Variants in C2orf81 observed in about 807,000 individuals in gnomAD.
C2orf81 encodes the protein uncharacterized protein C2orf81.
Under a neutral mutation model 7.9 loss-of-function variants are expected in C2orf81, and 5 were observed. That is an observed-to-expected ratio of 0.63 (90% CI 0.33 to 1.33). The LOEUF is 1.33. C2orf81 is among the 40% of genes most tolerant of loss of function. C2orf81 has a pLI of 0.05. For missense variants in C2orf81, 781 were observed against 830.4 expected, an observed-to-expected ratio of 0.94 and a Z score of 0.73; for synonymous variants, 346 against 367.4, an observed-to-expected ratio of 0.94 and a Z score of 0.66.
chr2:74,418,400 T>G, intron 1 of C2orf81: 1 of 1,588,282 alleles, frequency 6.3e-7, no homozygotes, highest in South Asian at 1.1e-5. Flanking sequence ...TTTTTCTGCT[T>G]GGAGGCCAAG....
At position 74,421,548 on chromosome 2, in the gene C2orf81, C is replaced by T. The variant is rs574944771; in HGVS notation, c.13G>A (p.Gly5Ser). MAHEGSRQERQVRDR... is the reference protein window; with the variant it reads MAHESSRQERQVRDR... ...CCAGCTGAACTGAAGCTCACCGAGC[C>T]TTCGTGCGCCATCGCCAACGCGGTC... The change falls in exon 1 of 3, where the codon GGC becomes AGC. Residue 5 changes from glycine (G) to serine (S), a missense_variant. Coordinates refer to ENST00000684111, the MANE Select transcript of C2orf81 (RefSeq NM_001316764.3). 118 of 406,292 alleles carry T rather than the reference C, an allele frequency of 2.9e-4. No homozygotes were observed. The highest frequency in any genetic ancestry group is 2.2e-3 in the African/African-American group (109 of 48,572). The allele number at this position is 406,292 out of a possible 1,614,324, so 25.2% of individuals were successfully genotyped here.
Position 74,415,067 on chromosome 2 carries a change from C to A in C2orf81, c.1110G>T (p.Lys370Asn), listed in dbSNP as rs1272010943. The A allele has an allele frequency of 3.9e-6, 6 of 1,548,224 alleles. No individual in the cohort carries two copies. The highest frequency in any genetic ancestry group is 5.2e-6 in the Non-Finnish European group (6 of 1,145,680). ...CAGGGTCCAGGCGTTTCACGGCCGC[C>A]TTGCGGCGCATCCTGTGGTGGTGGG... The part of the protein sequence containing the change: ...LSAHHHRMRR[K>N]AAVKRLDPAR... Residue 370 changes from lysine to asparagine, a missense_variant, in exon 3 of 3, where the codon AAG becomes AAT. Transcript: ENST00000684111. The surrounding 1 kb of genome is among the most constrained non-coding windows in gnomAD (Gnocchi z 5.5).
Position 74,415,359 on chromosome 2 carries a change from TCGGCATCGTCGGCAGGCGCCTCCTC to T in C2orf81, c.793_817del (p.Glu265ThrfsTer9). 6.7e-7 allele frequency: 1 copy of T among 1,501,852 alleles called. No individual in the cohort carries two copies. The highest frequency in any genetic ancestry group is 8.9e-7 in the Non-Finnish European group (1 of 1,119,610). 93.0% of individuals were successfully genotyped at this position (1,501,852 alleles called of 1,614,324 possible). ...TACCAGGTACGGATCCAGAGAAGGG[TCGGCATCGTCGGCAGGCGCCTCCTC>T]CACCGACAGTTGGAAGCTCGCGCTC... is the stretch of plus-strand genomic sequence containing the variant. On this transcript the variant is annotated frameshift_variant, in exon 3 of 3. Coordinates refer to ENST00000684111, the MANE Select transcript of C2orf81 (RefSeq NM_001316764.3). LOFTEE classifies it low-confidence loss of function (END_TRUNC). The surrounding 1 kb of genome is among the most constrained non-coding windows in gnomAD (Gnocchi z 5.5).
Position 74,414,224 on chromosome 2 carries a change from G to T in C2orf81, c.*105C>A. 1 of 1,159,398 alleles carries T rather than the reference G, an allele frequency of 8.6e-7. No homozygotes were observed. Among genetic ancestry groups the T allele is most frequent in the African/African-American group, 1.6e-5 (1 of 63,868 alleles). The allele number at this position is 1,159,398 out of a possible 1,614,324, so 71.8% of individuals were successfully genotyped here. A position where few individuals can be genotyped will look rare whatever the true frequency, so the allele number is the denominator to read the frequency against. On this transcript the variant is annotated 3_prime_UTR_variant, in exon 3 of 3. Coordinates refer to ENST00000684111, the MANE Select transcript of C2orf81 (RefSeq NM_001316764.3). The surrounding 1 kb of genome is among the most constrained non-coding windows in gnomAD (Gnocchi z 5.3). Reference sequence around the variant, plus strand: ...GTTTATTTCTGGCTAGCAGAGGGAGGGACCAGTTACTACTGCCAGAGGCTC... The same window carrying T: ...GTTTATTTCTGGCTAGCAGAGGGAGTGACCAGTTACTACTGCCAGAGGCTC...
In C2orf81 at chr2:74,415,988, G is replaced by T; in HGVS notation, c.249+23C>A. ...AGGGGCGGGAGAGGGAGACGAGTCT[G>T]AAGGACCCGGATCCCGGCCCACCTG... On this transcript the variant is annotated intron_variant, in intron 2 of 2. Coordinates refer to ENST00000684111, the MANE Select transcript of C2orf81 (RefSeq NM_001316764.3). This position sits in a 1 kb window ranked among gnomAD's most constrained non-coding sequence, Gnocchi z 5.5. The T allele has an allele frequency of 6.5e-7, 1 of 1,549,498 alleles. No individual in the cohort carries two copies. Among genetic ancestry groups the T allele is most frequent in the Non-Finnish European group, 8.7e-7 (1 of 1,146,212 alleles).
rs1013460180 is a variant in C2orf81, at chr2:74,416,223, G to A, written c.37C>T (p.Arg13Ter). Residue 13 changes from arginine to a stop codon, truncating the protein, a stop_gained, in exon 2 of 3, where the codon CGA (arginine) becomes TGA (stop). Transcript: ENST00000684111. LOFTEE classifies it high-confidence loss of function. ...HEGSRQERQV[R>*]DRGVTRSKAE... ...TTGGACCGGGTCACCCCGCGGTCTC[G>A]GACCTGCCTCTCCTGCCTCTGTGAG... 2 of 1,390,466 alleles carry A rather than the reference G, an allele frequency of 1.4e-6. No individual in the cohort carries two copies. The highest frequency in any genetic ancestry group is 2.2e-5 in the Admixed American group (1 of 46,110). The allele number at this position is 1,390,466 out of a possible 1,614,324, so 86.1% of individuals were successfully genotyped here. A position where few individuals can be genotyped will look rare whatever the true frequency, so the allele number is the denominator to read the frequency against.
In C2orf81 at chr2:74,414,850, AAGGAATGCCTGGCCGGAG is replaced by A; in HGVS notation, c.1309_1326del (p.Leu437_Pro442del). 2 of 1,551,192 alleles carry A rather than the reference AAGGAATGCCTGGCCGGAG, an allele frequency of 1.3e-6. No homozygotes were observed. The highest frequency in any genetic ancestry group is 1.7e-6 in the Non-Finnish European group (2 of 1,146,632). On this transcript the variant is annotated inframe_deletion, in exon 3 of 3. Coordinates refer to ENST00000684111, the MANE Select transcript of C2orf81 (RefSeq NM_001316764.3). The surrounding 1 kb of genome is among the most constrained non-coding windows in gnomAD (Gnocchi z 5.3). ...GCGGGGCCCGAGTCCAAGTCACGGAAAGGAATGCCTGGCCGGAGAGGGAAGAACGCTGCCGGGGAGACA... is the reference window on the plus strand; with the variant it reads ...GCGGGGCCCGAGTCCAAGTCACGGAAAGGGAAGAACGCTGCCGGGGAGACA...
At position 74,415,383 on chromosome 2, in the gene C2orf81, T is replaced by G; in HGVS notation, c.794A>C (p.Glu265Ala). 6.6e-7 allele frequency: 1 copy of G among 1,519,146 alleles called. No homozygotes were observed. Among genetic ancestry groups the G allele is most frequent in the East Asian group, 2.5e-5 (1 of 40,422 alleles). The allele number at this position is 1,519,146 out of a possible 1,614,324, so 94.1% of individuals were successfully genotyped here. The change falls in exon 3 of 3, where the codon GAG becomes GCG. Residue 265 changes from glutamate to alanine, a missense_variant. By Grantham distance (107) the Glu-to-Ala change is moderately radical. Transcript: ENST00000684111. The surrounding 1 kb of genome is among the most constrained non-coding windows in gnomAD (Gnocchi z 5.5). ...GTCGGCATCGTCGGCAGGCGCCTCC[T>G]CCACCGACAGTTGGAAGCTCGCGCT... is the stretch of plus-strand genomic sequence containing the variant. ...SLSASFQLSV[E>A]EAPADDADPS...
Position 74,415,501 on chromosome 2 carries a change from G to T in C2orf81, c.676C>A (p.Pro226Thr), listed in dbSNP as rs1380335679. The change falls in exon 3 of 3, where the codon CCC (proline) becomes ACC (threonine). Residue 226 changes from proline (P) to threonine (T), a missense_variant. Pro to Thr is a conservative substitution (Grantham distance 38). Coordinates refer to ENST00000684111, the MANE Select transcript of C2orf81 (RefSeq NM_001316764.3). This position sits in a 1 kb window ranked among gnomAD's most constrained non-coding sequence, Gnocchi z 5.5. ...PQLRVTSAPP[P>T]TSELFQEAGP... ...GCCTCCTGAAACAGCTCTGATGTGGGAGGAGGGGCCGACGTGACTCTCAGC... is the reference window on the plus strand; with the variant it reads ...GCCTCCTGAAACAGCTCTGATGTGGTAGGAGGGGCCGACGTGACTCTCAGC... The T allele has an allele frequency of 6.5e-7, 1 of 1,544,426 alleles. No individual in the cohort carries two copies. Among genetic ancestry groups the T allele is most frequent in the Non-Finnish European group, 8.8e-7 (1 of 1,141,716 alleles).
At position 74,416,139 on chromosome 2, in the gene C2orf81, G is replaced by A. The variant is rs1391776813; in HGVS notation, c.121C>T (p.Arg41Trp). ...GCCATCCACTCGGCCTCACTGAGCC[G>A]CCCAGGCACAATATCCACCTGCGGC... The part of the protein sequence containing the change: ...PVPQVDIVPG[R>W]LSEAEWMALT... The change falls in exon 2 of 3, where the codon CGG (arginine) becomes TGG (tryptophan). Residue 41 changes from arginine (R) to tryptophan (W), a missense_variant. Transcript: ENST00000684111. 1.6e-5 allele frequency: 25 copies of A among 1,519,946 alleles called. No individual in the cohort carries two copies. Among genetic ancestry groups the A allele is most frequent in the South Asian group, 3.6e-5 (3 of 82,968 alleles). 94.2% of individuals were successfully genotyped at this position (1,519,946 alleles called of 1,614,324 possible).
chr2:74,415,549 C>T lies in C2orf81; in HGVS notation c.628G>A (p.Glu210Lys), dbSNP rs991902353. 19 of 1,549,566 alleles carry T rather than the reference C, an allele frequency of 1.2e-5. No individual in the cohort carries two copies. Among genetic ancestry groups the T allele is most frequent in the Non-Finnish European group, 1.7e-5 (19 of 1,145,614 alleles). ...AGCTGCGGAGAAGGCTCCCAAGATT[C>T]CATCTGCTCCTGGGAGCCTCGACCC... ...WMGRGSQEQM[E>K]SWEPSPQLRV... Residue 210 changes from glutamate (E) to lysine (K), a missense_variant, in exon 3 of 3, where the codon GAA becomes AAA. Physicochemically the swap from Glu to Lys is moderately conservative, Grantham distance 56 (BLOSUM62 1). Transcript: ENST00000684111. The surrounding 1 kb of genome is among the most constrained non-coding windows in gnomAD (Gnocchi z 5.5).
Position 74,415,339 on chromosome 2 carries a change from G to C in C2orf81, c.838C>G (p.Leu280Val), listed in dbSNP as rs773295891. 15 of 1,535,572 alleles carry C rather than the reference G, an allele frequency of 9.8e-6. No individual in the cohort carries two copies. The African/African-American group carries it at 1.8e-4, about 18-fold the overall frequency. Residue 280 changes from leucine to valine, a missense_variant, in exon 3 of 3, where the codon CTG becomes GTG. Coordinates refer to ENST00000684111, the MANE Select transcript of C2orf81 (RefSeq NM_001316764.3). The surrounding 1 kb of genome is among the most constrained non-coding windows in gnomAD (Gnocchi z 5.5). ...GTTGAGGCCTGGGGGCTGGCTACCAGGTACGGATCCAGAGAAGGGTCGGCA... is the reference window on the plus strand; with the variant it reads ...GTTGAGGCCTGGGGGCTGGCTACCACGTACGGATCCAGAGAAGGGTCGGCA... ...DDADPSLDPY[L>V]VASPQASTGR...
rs1676456327 is a variant in C2orf81 at position 74,416,015 on chromosome 2, T to C, written c.245A>G (p.Gln82Arg). The change falls in exon 2 of 3, where the codon CAG becomes CGG. Residue 82 changes from glutamine to arginine, a missense_variant. Coordinates refer to ENST00000684111, the MANE Select transcript of C2orf81 (RefSeq NM_001316764.3). ...AGGACCCGGATCCCGGCCCACCTGC[T>C]GAGTCAGGTAGACTTTGAAAGCAGA... ...MDSAFKVYLT[Q>R]QCIPFTISQA... The C allele has an allele frequency of 6.5e-7, 1 of 1,550,000 alleles. No individual in the cohort carries two copies. The highest frequency in any genetic ancestry group is 2.0e-5 in the Admixed American group (1 of 50,980).
At chr2:74,419,732 C>G (rs777159032) in intron 1 of C2orf81, among the ~76,000 whole-genome samples, 2 of 152,108 alleles carry the variant, frequency 1.3e-5, no homozygotes, top group Non-Finnish European at 2.9e-5. Context: ...GCTATATATA[C>G]TGAAATATTA....
In C2orf81 at chr2:74,415,172, G is replaced by T; in HGVS notation, c.1005C>A (p.Tyr335Ter). 6.5e-7 allele frequency: 1 copy of T among 1,545,336 alleles called. No individual in the cohort carries two copies. The highest frequency in any genetic ancestry group is 8.7e-7 in the Non-Finnish European group (1 of 1,144,458). ...GGCGGGTGGCGCCGCCCACAGAGGG[G>T]TAGGACACCAACACGCCCGAGGCGA... ...PCIASGVLVS[Y>*]PSVGGATRPS... Residue 335 changes from tyrosine to a stop codon, truncating the protein, a stop_gained, in exon 3 of 3, where the codon TAC (tyrosine) becomes TAA (stop). Coordinates refer to ENST00000684111, the MANE Select transcript of C2orf81 (RefSeq NM_001316764.3). LOFTEE classifies it low-confidence loss of function (END_TRUNC). The surrounding 1 kb of genome is among the most constrained non-coding windows in gnomAD (Gnocchi z 5.5).
chr2:74,415,314 G>A lies in C2orf81; in HGVS notation c.863C>T (p.Thr288Ile), dbSNP rs542221789. Reference protein sequence around the residue: ...PYLVASPQASTGRGHPLGFHL... With the variant: ...PYLVASPQASIGRGHPLGFHL... ...GAAGCCGAGGGGGTGTCCCCTCCCA[G>A]TTGAGGCCTGGGGGCTGGCTACCAG... is the stretch of plus-strand genomic sequence containing the variant. Residue 288 changes from threonine (T) to isoleucine (I), a missense_variant, in exon 3 of 3, where the codon ACT becomes ATT. By Grantham distance (89) the Thr-to-Ile change is moderately conservative (BLOSUM62 -1). Coordinates refer to ENST00000684111, the MANE Select transcript of C2orf81 (RefSeq NM_001316764.3). This position sits in a 1 kb window ranked among gnomAD's most constrained non-coding sequence, Gnocchi z 5.5. The A allele has an allele frequency of 6.5e-7, 1 of 1,548,428 alleles. No homozygotes were observed. The highest frequency in any genetic ancestry group is 1.2e-5 in the South Asian group (1 of 83,736).
chr2:74,415,410 AAGGACCCGGCCGAGGAGAGGCCTCT>A lies in C2orf81; in HGVS notation c.742_766del (p.Arg248Ter). ...CACCGACAGTTGGAAGCTCGCGCTC[AAGGACCCGGCCGAGGAGAGGCCTCT>A]AGACTGGCCGTCCGCTTCCTCTACA... is the stretch of plus-strand genomic sequence containing the variant. On this transcript the variant is annotated frameshift_variant, in exon 3 of 3. Coordinates refer to ENST00000684111, the MANE Select transcript of C2orf81 (RefSeq NM_001316764.3). LOFTEE classifies it low-confidence loss of function (END_TRUNC). The surrounding 1 kb of genome is among the most constrained non-coding windows in gnomAD (Gnocchi z 5.5). 6.5e-7 allele frequency: 1 copy of A among 1,529,174 alleles called. No homozygotes were observed. The highest frequency in any genetic ancestry group is 8.8e-7 in the Non-Finnish European group (1 of 1,132,796). The allele number at this position is 1,529,174 out of a possible 1,614,324, so 94.7% of individuals were successfully genotyped here.
chr2:74,414,615 C>G lies in C2orf81; in HGVS notation c.1562G>C (p.Arg521Pro), dbSNP rs1423722479. The G allele has an allele frequency of 6.5e-7, 1 of 1,549,770 alleles. No homozygotes were observed. Among genetic ancestry groups the G allele is most frequent in the African/African-American group, 1.4e-5 (1 of 73,024 alleles). ...AELLGELWAG[R>P]TRVPPQGLEL... ...CAGACCCTGTGGAGGCACGCGGGTC[C>G]GGCCAGCCCACAGCTCGCCCAGCAG... is the stretch of plus-strand genomic sequence containing the variant. The change falls in exon 3 of 3, where the codon CGG (arginine) becomes CCG (proline). Residue 521 changes from arginine (R) to proline (P), a missense_variant. Coordinates refer to ENST00000684111, the MANE Select transcript of C2orf81 (RefSeq NM_001316764.3). The surrounding 1 kb of genome is among the most constrained non-coding windows in gnomAD (Gnocchi z 5.3).
chr2:74,421,099 A>T (rs1209210333), intron 1 of C2orf81, among the ~76,000 whole-genome samples: 4 of 152,114 alleles, frequency 2.6e-5, no homozygotes, highest in African/African-American at 4.8e-5. Flanking sequence ...CTTTATTTTA[A>T]AATTGATTGG....
Sources: gnomAD v4.1 joint callset for allele counts (sites outside exome capture counted in the v4.1 genomes callset) on GRCh38, gnomAD v4.1.1 for gene constraint, Gnocchi (gnomAD v3.1) non-coding constraint, MANE v1.5 for transcripts, NCBI Gene and HGNC (gene_info 2026-07-23, HGNC 2026-07-21) for gene names.